PABPC4L: variants seen among roughly 807,000 people sequenced by gnomAD.
PABPC4L encodes poly(A) binding protein cytoplasmic 4 like, also known as polyadenylate-binding protein 4-like.
For missense variants in PABPC4L, 452 were observed against 451.4 expected, an observed-to-expected ratio of 1.00 and a Z score of -0.01; for synonymous variants, 169 against 164.1, an observed-to-expected ratio of 1.03 and a Z score of -0.23.
the PABPC4L span, among the ~76,000 whole-genome samples, chr4:133,950,841 A>T: frequency 3.9e-5 from 6 of 152,192 alleles, no homozygotes; most frequent in Non-Finnish European, 7.3e-5. Context: ...TGGAAGCAAG[A>T]GGCTACTGAA....
At chr4:134,010,292 G>A in the PABPC4L span, among the ~76,000 whole-genome samples, 1 of 151,984 alleles carries the variant, frequency 6.6e-6, no homozygotes, top group Non-Finnish European at 1.5e-5. Flanking sequence ...TTAAGCATGT[G>A]AAATCTAAGA....
At chr4:134,163,765 A>G in the PABPC4L span, among the ~76,000 whole-genome samples, 1 of 152,176 alleles carries the variant, frequency 6.6e-6, no homozygotes, top group Non-Finnish European at 1.5e-5. Context: ...CTCAATAGAT[A>G]CAGAAAACAC....
the PABPC4L span, among the ~76,000 whole-genome samples, chr4:133,991,048 A>G: frequency 6.6e-6 from 1 of 152,190 alleles, no homozygotes; most frequent in African/African-American, 2.4e-5. Context: ...TGAAGAGTAC[A>G]GATGTGTGCA....
the PABPC4L span, among the ~76,000 whole-genome samples, chr4:133,982,988 T>C: frequency 6.6e-6 from 1 of 152,118 alleles, no homozygotes; most frequent in East Asian, 1.9e-4. Flanking sequence ...ATCTCTAACA[T>C]AGTTTTGTGA....
chr4:134,159,750 AT>A, the PABPC4L span, among the ~76,000 whole-genome samples: 3 of 152,070 alleles, frequency 2.0e-5, no homozygotes, highest in African/African-American at 7.2e-5. Context: ...TGTTGCACTG[AT>A]TTTGGAGACA....
the PABPC4L span, among the ~76,000 whole-genome samples, chr4:134,186,883 G>T: frequency 1.3e-5 from 2 of 151,984 alleles, no homozygotes; most frequent in Non-Finnish European, 2.9e-5. Context: ...GTGGGCAAAG[G>T]ATATGAACAG....
chr4:134,106,032 C>T, the PABPC4L span, among the ~76,000 whole-genome samples: 1 of 151,602 alleles, frequency 6.6e-6, no homozygotes, highest in African/African-American at 2.4e-5. Context: ...TACGCTTATC[C>T]TGTTGCTTCT....
chr4:134,061,692 A>G, the PABPC4L span, among the ~76,000 whole-genome samples: 1 of 151,718 alleles, frequency 6.6e-6, no homozygotes, highest in Non-Finnish European at 1.5e-5. Flanking sequence ...CCCTCTGTAT[A>G]CTTCAAAAGA....
chr4:134,132,589 G>A, the PABPC4L span, among the ~76,000 whole-genome samples: 34 of 151,900 alleles, frequency 2.2e-4, 1 homozygote, highest in Non-Finnish European at 4.1e-4. Context: ...GTGGTAAAAA[G>A]AGAACAGTTT....
At chr4:134,147,693 C>T in the PABPC4L span, among the ~76,000 whole-genome samples, 1 of 151,360 alleles carries the variant, frequency 6.6e-6, no homozygotes, top group Non-Finnish European at 1.5e-5. Flanking sequence ...TAGGAATTAC[C>T]CCCTCTTTTG....
the PABPC4L span, among the ~76,000 whole-genome samples, chr4:133,993,825 G>A: frequency 2.0e-5 from 3 of 152,118 alleles, no homozygotes; most frequent in Admixed American, 6.5e-5. Flanking sequence ...CTGTGGGCTC[G>A]AATATGTGTG....
the PABPC4L span, among the ~76,000 whole-genome samples, chr4:133,956,058 T>TA: frequency 8.1e-4 from 122 of 151,334 alleles, no homozygotes; most frequent in African/African-American, 2.7e-3. Context: ...ATGGACTTAT[T>TA]AAAAAAAAAT....
chr4:133,970,193 G>A, the PABPC4L span, among the ~76,000 whole-genome samples: 1 of 151,356 alleles, frequency 6.6e-6, no homozygotes, highest in African/African-American at 2.4e-5. Context: ...CTCCTTTCTT[G>A]AAGAAGTCCT....
the PABPC4L span, among the ~76,000 whole-genome samples, chr4:133,997,905 A>G: frequency 1.3e-5 from 2 of 152,058 alleles, no homozygotes; most frequent in Non-Finnish European, 2.9e-5. Context: ...TGCATGTTTT[A>G]ATTTATATTT....
chr4:134,084,188 A>C, the PABPC4L span, among the ~76,000 whole-genome samples: 1 of 152,062 alleles, frequency 6.6e-6, no homozygotes, highest in African/African-American at 2.4e-5. Context: ...AGCTAGGACT[A>C]CAGGCTCACA....
At position 134,200,359 on chromosome 4, in the gene PABPC4L, C is replaced by A; in HGVS notation, c.661G>T (p.Val221Leu). The change falls in exon 2 of 2, where the codon GTG becomes TTG. Residue 221 changes from valine (V) to leucine (L), a missense_variant. Val to Leu is a conservative substitution (Grantham distance 32). Coordinates refer to ENST00000421491, the MANE Select transcript of PABPC4L (RefSeq NM_001114734.2). ...GATTTCCCACTGGAATCTGTCATCACCTTAACACTCAGAGTTTTGCCATAT... is the reference window on the plus strand; with the variant it reads ...GATTTCCCACTGGAATCTGTCATCAACTTAACACTCAGAGTTTTGCCATAT... ...SKYGKTLSVK[V>L]MTDSSGKSKG... The A allele has an allele frequency of 6.3e-7, 1 of 1,591,952 alleles. No homozygotes were observed. The highest frequency in any genetic ancestry group is 8.6e-7 in the Non-Finnish European group (1 of 1,167,742).
the PABPC4L span, among the ~76,000 whole-genome samples, chr4:134,016,968 G>C: frequency 2.0e-5 from 3 of 152,112 alleles, no homozygotes; most frequent in Admixed American, 2.0e-4. Flanking sequence ...CACTTTCACT[G>C]GATAGGTAGA....
chr4:134,121,097 C>T, the PABPC4L span, among the ~76,000 whole-genome samples: 1 of 151,114 alleles, frequency 6.6e-6, no homozygotes, highest in African/African-American at 2.4e-5. Context: ...ATGCTGTTAA[C>T]CCATATGGTG....
chr4:134,182,050 T>A, the PABPC4L span, among the ~76,000 whole-genome samples: 3,404 of 150,830 alleles, frequency 0.023, 127 homozygotes, highest in African/African-American at 0.078. Context: ...TTGCATATTC[T>A]GTGCTATACA....
Sources: allele counts gnomAD v4.1 joint callset (sites outside exome capture counted in the v4.1 genomes callset), GRCh38; gene constraint gnomAD v4.1.1; transcripts MANE v1.5; gene names NCBI Gene and HGNC (gene_info 2026-07-23, HGNC 2026-07-21).